Variants in FYN observed in about 807,000 individuals in gnomAD.
FYN encodes FYN proto-oncogene, Src family tyrosine kinase.
Under a neutral mutation model 70.2 loss-of-function variants are expected in FYN, and 10 were observed. That is an observed-to-expected ratio of 0.14 (90% CI 0.09 to 0.24). The LOEUF is 0.24. FYN is among the 10% of genes least tolerant of loss of function. The probability of loss-of-function intolerance (pLI) is 1.00; values close to 1 mark genes in which losing one functional copy is unlikely to be tolerated. For missense variants in FYN, 319 were observed against 673.1 expected (o/e 0.47, Z 5.82); for synonymous variants, 236 against 248.6 (o/e 0.95, Z 0.48).
intron 3 of FYN, among the ~76,000 whole-genome samples, chr6:111,779,393 G>A (rs1221228252): frequency 1.3e-5 from 2 of 152,048 alleles, no homozygotes; most frequent in African/African-American, 2.4e-5. Flanking sequence ...AGACAAAAAC[G>A]TAAAATCAAA....
intron 3 of FYN, among the ~76,000 whole-genome samples, chr6:111,738,158 C>T (rs1361973445): frequency 1.3e-5 from 2 of 152,118 alleles, no homozygotes; most frequent in Non-Finnish European, 2.9e-5. Context: ...CCACACACAC[C>T]GCTAGCAGGA....
chr6:111,861,128 G>C (rs185751843), intron 1 of FYN, among the ~76,000 whole-genome samples: 2 of 150,840 alleles, frequency 1.3e-5, no homozygotes, highest in Admixed American at 1.3e-4. Context: ...TCTCATTCTA[G>C]AAGTACTGAA....
chr6:111,836,471 A>AC (rs1562539279), intron 2 of FYN, among the ~76,000 whole-genome samples: 2 of 152,106 alleles, frequency 1.3e-5, no homozygotes, highest in Non-Finnish European at 2.9e-5. Context: ...AACAACAACA[A>AC]AACAAATGCT....
At chr6:111,673,848 C>T (rs1381768497) in intron 13 of FYN, among the ~76,000 whole-genome samples, 6 of 152,102 alleles carry the variant, frequency 3.9e-5, no homozygotes, top group East Asian at 1.9e-4. Context: ...AAGCCAAACT[C>T]GTGGTTTCTT....
intron 12 of FYN, among the ~76,000 whole-genome samples, chr6:111,690,980 T>C (rs1317430634): frequency 1.3e-5 from 2 of 152,194 alleles, no homozygotes; most frequent in Non-Finnish European, 2.9e-5. Context: ...ATGTTGGCAT[T>C]ATTTAGAGAC....
chr6:111,699,350 CA>C (rs148167847), intron 9 of FYN, among the ~76,000 whole-genome samples: 1,808 of 152,290 alleles, frequency 0.012, 43 homozygotes, highest in African/African-American at 0.041. Context: ...GACAGATGAG[CA>C]CAGCAAGGTA....
chr6:111,696,466 T>A lies in FYN; in HGVS notation c.863-10A>T. The A allele has an allele frequency of 1.9e-6, 3 of 1,572,746 alleles. No individual in the cohort carries two copies. The highest frequency in any genetic ancestry group is 2.6e-6 in the Non-Finnish European group (3 of 1,155,632). ...TTTCCATTCCAGGTACCTACAAACA[T>A]CCCAGAATATGAAGTCAAACCAAAG... is the stretch of plus-strand genomic sequence containing the variant. On this transcript the variant is annotated splice_polypyrimidine_tract_variant and intron_variant, in intron 9 of 13. Coordinates refer to ENST00000354650, the MANE Select transcript of FYN (RefSeq NM_002037.5).
At chr6:111,850,668 G>A (rs1773660106) in intron 1 of FYN, among the ~76,000 whole-genome samples, 1 of 152,226 alleles carries the variant, frequency 6.6e-6, no homozygotes, top group African/African-American at 2.4e-5. Flanking sequence ...ACACACAGAA[G>A]CTCCTCAATG....
At chr6:111,739,487 T>C (rs1801854517) in intron 3 of FYN, among the ~76,000 whole-genome samples, 1 of 152,246 alleles carries the variant, frequency 6.6e-6, no homozygotes, top group Non-Finnish European at 1.5e-5. Context: ...TGGAGCTGCC[T>C]GCTGCCTGCC....
intron 8 of FYN, 30 bp downstream of exon 8, chr6:111,702,855 T>C: frequency 6.2e-7 from 1 of 1,607,868 alleles, no homozygotes; most frequent in Admixed American, 1.7e-5. Context: ...AGCATCCAAA[T>C]GGTTAGTAGG....
At chr6:111,771,505 C>T (rs1803450032) in intron 3 of FYN, among the ~76,000 whole-genome samples, 1 of 151,924 alleles carries the variant, frequency 6.6e-6, no homozygotes, top group African/African-American at 2.4e-5. Context: ...CCAACTTTCC[C>T]CCTCTTCAAA....
At chr6:111,696,202 G>A in intron 10 of FYN, 75 bp downstream of exon 10, 1 of 1,265,098 alleles carries the variant, frequency 7.9e-7, no homozygotes, top group South Asian at 2.1e-5. Flanking sequence ...GTAGCAAGTA[G>A]GAAACTTCCA....
chr6:111,860,245 C>T (rs1435964603), intron 1 of FYN, among the ~76,000 whole-genome samples: 6 of 152,218 alleles, frequency 3.9e-5, no homozygotes, highest in Non-Finnish European at 8.8e-5. Flanking sequence ...GATCTCATCT[C>T]CACCAACTCT....
chr6:111,833,440 G>T (rs1322566440), intron 2 of FYN, among the ~76,000 whole-genome samples: 4 of 152,154 alleles, frequency 2.6e-5, no homozygotes, highest in Admixed American at 2.6e-4. Context: ...ATGTAGAAAC[G>T]GCACATTTAC....
intron 2 of FYN, among the ~76,000 whole-genome samples, chr6:111,834,326 CACAT>C: frequency 6.6e-6 from 1 of 152,146 alleles, no homozygotes. Context: ...AGTGTGGATA[CACAT>C]ACACACACCT....
chr6:111,826,360 G>A (rs915654538), intron 2 of FYN, among the ~76,000 whole-genome samples: 18 of 151,822 alleles, frequency 1.2e-4, no homozygotes, highest in African/African-American at 4.4e-4. Flanking sequence ...CTATATATGT[G>A]TATATGTGTA....
chr6:111,678,927 A>T (rs187543298), intron 12 of FYN, among the ~76,000 whole-genome samples: 2 of 152,244 alleles, frequency 1.3e-5, no homozygotes, highest in East Asian at 3.9e-4. Context: ...CCATTTCATG[A>T]TCTTGAATTC....
At chr6:111,699,607 G>A (rs1166896875) in intron 9 of FYN, 2 of 1,613,962 alleles carry the variant, frequency 1.2e-6, no homozygotes, top group African/African-American at 2.7e-5. Context: ...AGCCAATCCA[G>A]AAGTTTGTGG....
At chr6:111,855,474 C>T (rs1264675797) in intron 1 of FYN, among the ~76,000 whole-genome samples, 2 of 152,086 alleles carry the variant, frequency 1.3e-5, no homozygotes, top group Non-Finnish European at 2.9e-5. Flanking sequence ...TATATCCTAT[C>T]GAATGTAAAA....
Sources: gnomAD v4.1 joint callset for allele counts (sites outside exome capture counted in the v4.1 genomes callset) on GRCh38, gnomAD v4.1.1 for gene constraint, MANE v1.5 for transcripts, NCBI Gene and HGNC (gene_info 2026-07-23, HGNC 2026-07-21) for gene names.